SLC39A2: variants seen among roughly 807,000 people sequenced by gnomAD.
The protein encoded by SLC39A2 is solute carrier family 39 member 2, also known as zinc transporter ZIP2.
In SLC39A2, 14 loss-of-function variants were observed where a neutral mutation model predicts 18.0. That is an observed-to-expected ratio of 0.78 (90% CI 0.51 to 1.22). The LOEUF (loss-of-function observed/expected upper bound fraction) is 1.22. Among genes scored for constraint, SLC39A2 ranks in the 50% most tolerant of loss-of-function variants. The pLI is 0.00. For missense variants in SLC39A2, 375 were observed against 370.6 expected (o/e 1.01, Z -0.10); for synonymous variants, 152 against 153.1 (o/e 0.99, Z 0.05).
In SLC39A2 at chr14:21,001,555, G is replaced by T. The variant is rs755574284; in HGVS notation, c.906G>T (p.Met302Ile). ...GTGTAGCCGCTGGTTTTGCCTTCAT[G>T]GCCTTTATTGCCTTGTGGGCCTGAG... is the stretch of plus-strand genomic sequence containing the variant. The part of the protein sequence containing the change: ...WSCVAAGFAF[M>I]AFIALWA The change falls in exon 4 of 4, where the codon ATG becomes ATT. Residue 302 changes from methionine (M) to isoleucine (I), a missense_variant. Transcript: ENST00000298681. 1.2e-5 allele frequency: 19 copies of T among 1,571,508 alleles called. No homozygotes were observed. The highest frequency in any genetic ancestry group is 1.6e-5 in the Non-Finnish European group (18 of 1,160,448).
At chr14:21,000,835 TTTGTG>T in intron 3 of SLC39A2, 107 bp from the exon 4 acceptor site, 2 of 924,740 alleles carry the variant, frequency 2.2e-6, no homozygotes, top group South Asian at 2.5e-5. Context: ...CCTACCCTTT[TTTGTG>T]TTCTGTTACC....
In SLC39A2 at chr14:20,999,759, C is replaced by CT; in HGVS notation, c.134dup (p.Arg46GlnfsTer22). The CT allele has an allele frequency of 5.6e-6, 9 of 1,614,032 alleles. No individual in the cohort carries two copies. The highest frequency in any genetic ancestry group is 7.6e-6 in the Non-Finnish European group (9 of 1,179,982). On this transcript the variant is annotated frameshift_variant, in exon 2 of 4. Transcript: ENST00000298681. LOFTEE classifies it high-confidence loss of function. ...TTTATTAGGTCATCACCGGCTAGTC[C>CT]TCAGACTCCTGGGCTGTATTTCTGC...
intron 3 of SLC39A2, among the ~76,000 whole-genome samples, chr14:21,000,661 G>A (rs775308197): frequency 6.6e-6 from 1 of 151,986 alleles, no homozygotes; most frequent in African/African-American, 2.4e-5. Flanking sequence ...TAGTAGAGAC[G>A]GGGTTTCATC....
In SLC39A2 at chr14:21,001,444, A is replaced by T; in HGVS notation, c.795A>T (p.Ala265=). The change falls in exon 4 of 4, where the codon GCA becomes GCT. Residue 265 remains alanine, a synonymous_variant. Coordinates refer to ENST00000298681, the MANE Select transcript of SLC39A2 (RefSeq NM_014579.4). ...GLAQAVLEGV[A]AGTFLYVTFL... Reference sequence around the variant, plus strand: ...CCCAGGCTGTGTTAGAGGGTGTGGCAGCTGGTACCTTCCTGTATGTCACCT... The same window carrying T: ...CCCAGGCTGTGTTAGAGGGTGTGGCTGCTGGTACCTTCCTGTATGTCACCT... 1 of 1,614,002 alleles carries T rather than the reference A, an allele frequency of 6.2e-7. No homozygotes were observed. The highest frequency in any genetic ancestry group is 8.5e-7 in the Non-Finnish European group (1 of 1,179,906).
Position 21,000,170 on chromosome 14 carries a change from A to G in SLC39A2, c.297+4A>G. The stretch of plus-strand genomic sequence containing the variant: ...TGGTGATGCTGATTCAGCTCATGTA[A>G]GTACCTCCCACCATCCCCTATCTGG... On this transcript the variant is annotated splice_donor_region_variant and intron_variant, in intron 3 of 3. Transcript: ENST00000298681. 1 of 1,609,468 alleles carries G rather than the reference A, an allele frequency of 6.2e-7. No individual in the cohort carries two copies. Among genetic ancestry groups the G allele is most frequent in the Middle Eastern group, 1.7e-4 (1 of 6,048 alleles).
At chr14:21,000,070 C>A in intron 2 of SLC39A2, 46 bp from the exon 3 acceptor site, 2 of 1,547,264 alleles carry the variant, frequency 1.3e-6, no homozygotes, top group Non-Finnish European at 1.8e-6. Context: ...GCACAGGAAG[C>A]TGTGCTGCTC....
rs990941999 is a variant in SLC39A2 at position 21,001,619 on chromosome 14, C to T, written c.*40C>T. The T allele has an allele frequency of 1.3e-6, 2 of 1,513,808 alleles. No homozygotes were observed. Among genetic ancestry groups the T allele is most frequent in the Middle Eastern group, 1.8e-4 (1 of 5,564 alleles). 93.8% of individuals were successfully genotyped at this position (1,513,808 alleles called of 1,614,324 possible). On this transcript the variant is annotated 3_prime_UTR_variant, in exon 4 of 4. Coordinates refer to ENST00000298681, the MANE Select transcript of SLC39A2 (RefSeq NM_014579.4). ...TTCTGATGGACCTATTTAGGACAAC[C>T]TCTCTATCCCCAGGGAGACCTCCCA...
rs1428700019 is a variant in SLC39A2, at chr14:21,000,135, G to T, written c.266G>T (p.Arg89Ile). The stretch of plus-strand genomic sequence containing the variant: ...TCTTAGAACAGATCAGCAAGTGAGA[G>T]AAATTCTTCTGGTGATGCTGATTCA... ...FMVQNRSASE[R>I]NSSGDADSAH... Residue 89 changes from arginine (R) to isoleucine (I), a missense_variant, in exon 3 of 4, where the codon AGA becomes ATA. By Grantham distance (97) the Arg-to-Ile change is moderately conservative. Coordinates refer to ENST00000298681, the MANE Select transcript of SLC39A2 (RefSeq NM_014579.4). 6.2e-7 allele frequency: 1 copy of T among 1,613,370 alleles called. No homozygotes were observed. Among genetic ancestry groups the T allele is most frequent in the Non-Finnish European group, 8.5e-7 (1 of 1,179,616 alleles).
chr14:21,001,260 G>A lies in SLC39A2; in HGVS notation c.611G>A (p.Gly204Glu). Residue 204 changes from glycine to glutamate, a missense_variant, in exon 4 of 4, where the codon GGG (glycine) becomes GAG (glutamate). Coordinates refer to ENST00000298681, the MANE Select transcript of SLC39A2 (RefSeq NM_014579.4). The part of the protein sequence containing the change: ...QLCLAVLAHK[G>E]LVVFGVGMRL... ...TGCCTTGCTGTCCTGGCTCATAAGGGGCTTGTGGTGTTTGGTGTAGGAATG... is the reference window on the plus strand; with the variant it reads ...TGCCTTGCTGTCCTGGCTCATAAGGAGCTTGTGGTGTTTGGTGTAGGAATG... 6.2e-7 allele frequency: 1 copy of A among 1,614,244 alleles called. No individual in the cohort carries two copies.
chr14:21,000,269 C>A, intron 3 of SLC39A2, 103 bp downstream of exon 3: 1 of 769,500 alleles, frequency 1.3e-6, no homozygotes, highest in Non-Finnish European at 2.2e-6. Context: ...TACCAAGAAT[C>A]CCTTCTGCTC....
rs1880639311 is a variant in SLC39A2 at position 21,001,764 on chromosome 14, T to C, written c.*185T>C. The C allele has an allele frequency of 2.1e-6, 1 of 479,580 alleles. No homozygotes were observed. Among genetic ancestry groups the C allele is most frequent in the Non-Finnish European group, 3.6e-6 (1 of 278,898 alleles). 29.7% of individuals were successfully genotyped at this position (479,580 alleles called of 1,614,324 possible). Reference sequence around the variant, plus strand: ...TTCTCACCCTGGACTAAGACAAAGATATTTAGGTTGAGCAGCTATTAATTG... The same window carrying C: ...TTCTCACCCTGGACTAAGACAAAGACATTTAGGTTGAGCAGCTATTAATTG... On this transcript the variant is annotated 3_prime_UTR_variant, in exon 4 of 4. Transcript: ENST00000298681.
Position 21,001,258 on chromosome 14 carries a change from G to A in SLC39A2, c.609G>A (p.Lys203=). ...TCTGCCTTGCTGTCCTGGCTCATAA[G>A]GGGCTTGTGGTGTTTGGTGTAGGAA... ...VQLCLAVLAH[K]GLVVFGVGMR... is the part of the protein sequence containing the mutation. The change falls in exon 4 of 4, where the codon AAG becomes AAA. Residue 203 remains lysine (K), a synonymous_variant. Coordinates refer to ENST00000298681, the MANE Select transcript of SLC39A2 (RefSeq NM_014579.4). The A allele has an allele frequency of 1.2e-6, 2 of 1,614,242 alleles. No homozygotes were observed. Among genetic ancestry groups the A allele is most frequent in the East Asian group, 2.2e-5 (1 of 44,890 alleles).
intron 2 of SLC39A2, 27 bp from the exon 3 acceptor site, chr14:21,000,089 A>G (rs369722984): frequency 1.2e-5 from 20 of 1,600,420 alleles, no homozygotes; most frequent in Non-Finnish European, 1.5e-5. Flanking sequence ...TCCATCCCAC[A>G]TCTAATTTCT....
intron 2 of SLC39A2, 121 bp downstream of exon 2, chr14:20,999,993 C>A: frequency 1.4e-6 from 2 of 1,477,970 alleles, no homozygotes; most frequent in Non-Finnish European, 1.9e-6. Context: ...AAAATGACAG[C>A]TCTTGTGTGG....
Position 20,999,382 on chromosome 14 carries a change from C to A in SLC39A2, c.-65C>A. The A allele has an allele frequency of 2.4e-6, 3 of 1,242,012 alleles. No homozygotes were observed. Among genetic ancestry groups the A allele is most frequent in the Non-Finnish European group, 3.6e-6 (3 of 843,914 alleles). 76.9% of individuals were successfully genotyped at this position (1,242,012 alleles called of 1,614,324 possible). ...CCAGTGTTGACCACCTAAGATACCA[C>A]TCCTGCTCCAAAGATTACAGCTCCC... On this transcript the variant is annotated 5_prime_UTR_variant, in exon 1 of 4. Coordinates refer to ENST00000298681, the MANE Select transcript of SLC39A2 (RefSeq NM_014579.4).
Position 21,000,933 on chromosome 14 carries a change from C to T in SLC39A2, c.298-14C>T, listed in dbSNP as rs1299097067. The stretch of plus-strand genomic sequence containing the variant: ...CCTTCCTTTCCATCTCACAGCCCTT[C>T]TTTTTGTTTCTAGATGGAGTATCCC... On this transcript the variant is annotated splice_polypyrimidine_tract_variant and intron_variant, in intron 3 of 3. Coordinates refer to ENST00000298681, the MANE Select transcript of SLC39A2 (RefSeq NM_014579.4). The T allele has an allele frequency of 6.9e-7, 1 of 1,450,594 alleles. No homozygotes were observed. 89.9% of individuals were successfully genotyped at this position (1,450,594 alleles called of 1,614,324 possible). A position where few individuals can be genotyped will look rare whatever the true frequency, so the allele number is the denominator to read the frequency against.
At position 21,001,053 on chromosome 14, in the gene SLC39A2, C is replaced by T. The variant is rs35516218; in HGVS notation, c.404C>T (p.Thr135Ile). Residue 135 changes from threonine to isoleucine, a missense_variant, in exon 4 of 4, where the codon ACA (threonine) becomes ATA (isoleucine). Physicochemically the swap from Thr to Ile is moderately conservative, Grantham distance 89. Coordinates refer to ENST00000298681, the MANE Select transcript of SLC39A2 (RefSeq NM_014579.4). ...QCCPGAAGGS[T>I]VQDEEWGGAH... Reference sequence around the variant, plus strand: ...TGTCCTGGGGCTGCTGGAGGATCGACAGTGCAGGACGAAGAATGGGGTGGG... The same window carrying T: ...TGTCCTGGGGCTGCTGGAGGATCGATAGTGCAGGACGAAGAATGGGGTGGG... The T allele has an allele frequency of 1.9e-4, 301 of 1,600,528 alleles. No individual in the cohort carries two copies. In the African/African-American group the frequency reaches 3.2e-3, roughly 17 times the overall value.
At chr14:21,000,888 C>G in intron 3 of SLC39A2, 59 bp from the exon 4 acceptor site, 1 of 1,311,802 alleles carries the variant, frequency 7.6e-7, no homozygotes. Context: ...AATTCCATGT[C>G]CATCCAATGT....
In SLC39A2 at chr14:21,000,998, T is replaced by C; in HGVS notation, c.349T>C (p.Phe117Leu). The change falls in exon 4 of 4, where the codon TTC becomes CTC. Residue 117 changes from phenylalanine (F) to leucine (L), a missense_variant. Phe to Leu is a conservative substitution (Grantham distance 22). Transcript: ENST00000298681. ...CATCTCCCTGGGCTTCTTTTTTGTCTTCTTTTTGGAGTCGCTGGCATTGCA... is the reference window on the plus strand; with the variant it reads ...CATCTCCCTGGGCTTCTTTTTTGTCCTCTTTTTGGAGTCGCTGGCATTGCA... ...LIISLGFFFV[F>L]FLESLALQCC... 6.5e-7 allele frequency: 1 copy of C among 1,531,068 alleles called. No individual in the cohort carries two copies. Among genetic ancestry groups the C allele is most frequent in the South Asian group, 1.3e-5 (1 of 76,536 alleles). 94.8% of individuals were successfully genotyped at this position (1,531,068 alleles called of 1,614,324 possible). A position where few individuals can be genotyped will look rare whatever the true frequency, so the allele number is the denominator to read the frequency against.
Sources: allele counts gnomAD v4.1 joint callset (sites outside exome capture counted in the v4.1 genomes callset), GRCh38; gene constraint gnomAD v4.1.1; transcripts MANE v1.5; gene names NCBI Gene and HGNC (gene_info 2026-07-23, HGNC 2026-07-21).